The following ASTN2 variants were observed in gnomAD, a reference collection of about 807,000 sequenced individuals.
ASTN2 encodes the protein astrotactin-2.
ASTN2 carries 54 observed loss-of-function variants against 139.8 expected under a neutral mutation model. The observed-to-expected ratio is 0.39, with a 90% CI of 0.31 to 0.48. ASTN2 has a LOEUF of 0.48. ASTN2 is among the 20% of genes least tolerant of loss of function. The probability of loss-of-function intolerance (pLI) is 0.95; values close to 1 mark genes in which losing one functional copy is unlikely to be tolerated. For synonymous variants in ASTN2, 756 were observed against 719.5 expected (o/e 1.05, Z -0.81); for missense variants, 1,565 against 1,725.1 (o/e 0.91, Z 1.64).
chr9:117,174,123 C>A (rs565570481), intron 3 of ASTN2, among the ~76,000 whole-genome samples: 4 of 146,846 alleles, frequency 2.7e-5, no homozygotes, highest in Admixed American at 6.8e-5. Context: ...AGCTAGCTAA[C>A]TAGATAGATA....
intron 2 of ASTN2, among the ~76,000 whole-genome samples, chr9:117,265,455 C>A (rs1334592790): frequency 1.3e-5 from 2 of 152,154 alleles, no homozygotes; most frequent in Non-Finnish European, 2.9e-5. Flanking sequence ...CAGAGGGGTA[C>A]CGAGCTGCCA....
At chr9:117,010,423 G>A (rs1837485739) in intron 6 of ASTN2, among the ~76,000 whole-genome samples, 1 of 152,120 alleles carries the variant, frequency 6.6e-6, no homozygotes, top group Non-Finnish European at 1.5e-5. Flanking sequence ...ATATTGAATT[G>A]TGTCCCAGGG....
intron 19 of ASTN2, chr9:116,546,775 G>T (rs1413105772): frequency 6.6e-6 from 1 of 152,150 alleles, no homozygotes; most frequent in Non-Finnish European, 1.5e-5. Flanking sequence ...TAGCAACCAG[G>T]TAACAGACTT....
intron 13 of ASTN2, among the ~76,000 whole-genome samples, chr9:116,741,399 C>G (rs1447295611): frequency 6.6e-6 from 1 of 152,146 alleles, no homozygotes; most frequent in African/African-American, 2.4e-5. Context: ...CTGGCTCTTC[C>G]TACACTGCCC....
At chr9:117,260,185 C>T (rs1213338787) in intron 2 of ASTN2, among the ~76,000 whole-genome samples, 2 of 152,158 alleles carry the variant, frequency 1.3e-5, no homozygotes, top group East Asian at 1.9e-4. Flanking sequence ...ACCCCTTTAA[C>T]AGAGCACATG....
intron 3 of ASTN2, among the ~76,000 whole-genome samples, chr9:117,152,319 G>A (rs1028253837): frequency 3.2e-4 from 48 of 152,200 alleles, no homozygotes; most frequent in Admixed American, 6.5e-4. Flanking sequence ...TGGGGTAACC[G>A]ATCGCCTTTG....
chr9:117,372,533 C>T (rs74484046), intron 1 of ASTN2, among the ~76,000 whole-genome samples: 1,527 of 152,242 alleles, frequency 0.01, 27 homozygotes, highest in African/African-American at 0.033. Flanking sequence ...CTCACTTCAT[C>T]TCACTGAGCC....
intron 19 of ASTN2, among the ~76,000 whole-genome samples, chr9:116,512,928 C>T (rs1850464310): frequency 6.6e-6 from 1 of 152,194 alleles, no homozygotes; most frequent in Non-Finnish European, 1.5e-5. Context: ...GAATACAGCA[C>T]ACTGATGGGT....
At chr9:117,355,643 G>C (rs151329078) in intron 1 of ASTN2, among the ~76,000 whole-genome samples, 6 of 152,144 alleles carry the variant, frequency 3.9e-5, no homozygotes, top group African/African-American at 1.4e-4. Flanking sequence ...TACCAGAGCC[G>C]GATGGGGAGA....
intron 1 of ASTN2, among the ~76,000 whole-genome samples, chr9:117,403,681 G>A (rs575383585): frequency 2.0e-4 from 31 of 152,182 alleles, no homozygotes; most frequent in Non-Finnish European, 4.3e-4. Context: ...AAAGCCACTC[G>A]TGACTTCCCT....
intron 1 of ASTN2, among the ~76,000 whole-genome samples, chr9:117,349,708 C>G (rs539569645): frequency 6.6e-6 from 1 of 152,220 alleles, no homozygotes; most frequent in South Asian, 2.1e-4. Context: ...AAATAATTGT[C>G]TTGCAGTGGA....
chr9:116,803,599 A>G (rs1008245279), intron 13 of ASTN2, among the ~76,000 whole-genome samples: 2 of 143,822 alleles, frequency 1.4e-5, no homozygotes, highest in Non-Finnish European at 3.0e-5. Context: ...ATCTCAGCTC[A>G]CTGCAAGCTC....
chr9:117,372,500 A>G (rs1490582195), intron 1 of ASTN2, among the ~76,000 whole-genome samples: 1 of 152,178 alleles, frequency 6.6e-6, no homozygotes, highest in East Asian at 1.9e-4. Context: ...GCTGCTGCCT[A>G]TTAGCTATGT....
intron 5 of ASTN2, among the ~76,000 whole-genome samples, chr9:117,045,783 C>T (rs1838717316): frequency 6.6e-6 from 1 of 152,094 alleles, no homozygotes; most frequent in East Asian, 1.9e-4. Flanking sequence ...TGACTTCCTC[C>T]TGAGATCCCC....
At chr9:117,223,905 T>C (rs1832614749) in intron 2 of ASTN2, among the ~76,000 whole-genome samples, 1 of 152,198 alleles carries the variant, frequency 6.6e-6, no homozygotes, top group Admixed American at 6.5e-5. Flanking sequence ...CTACTTACCA[T>C]GTATCTATTA....
At chr9:116,439,681 AATACCC>A (rs1316326189) in intron 22 of ASTN2, among the ~76,000 whole-genome samples, 2 of 152,060 alleles carry the variant, frequency 1.3e-5, no homozygotes, top group African/African-American at 4.8e-5. Context: ...CTCTGCTCCA[AATACCC>A]ATCCTTTTCC....
At chr9:117,151,558 A>G (rs1330265137) in intron 3 of ASTN2, among the ~76,000 whole-genome samples, 1 of 152,190 alleles carries the variant, frequency 6.6e-6, no homozygotes, top group Non-Finnish European at 1.5e-5. Context: ...GGTAGAGAGC[A>G]AAGCATCATA....
At chr9:116,592,776 A>G (rs1274960666) in intron 19 of ASTN2, among the ~76,000 whole-genome samples, 1 of 152,196 alleles carries the variant, frequency 6.6e-6, no homozygotes, top group African/African-American at 2.4e-5. Flanking sequence ...CACTTCACAG[A>G]TACAGAAACT....
chr9:116,832,643 T>C lies in ASTN2; in HGVS notation c.2041-11860A>G, dbSNP rs142291625. Among the ~76,000 whole-genome samples, 36 of 152,242 alleles carry C rather than the reference T, an allele frequency of 2.4e-4. 1 individual carries two copies. In the East Asian group the frequency reaches 6.9e-3, roughly 29 times the overall value. ...GATGTGATTTTTCTTCTTCTGCCTG[T>C]TATTATAATATACTGATAGATTTTC... On this transcript the variant is annotated intron_variant, in intron 11 of 22. Transcript: ENST00000313400.
Sources: gnomAD v4.1 joint callset for allele counts (sites outside exome capture counted in the v4.1 genomes callset) on GRCh38, gnomAD v4.1.1 for gene constraint, MANE v1.5 for transcripts, NCBI Gene and HGNC (gene_info 2026-07-23, HGNC 2026-07-21) for gene names.